TOP6BL: variants seen among roughly 807,000 people sequenced by gnomAD.
TOP6BL encodes type 2 DNA topoisomerase 6 subunit B-like.
chr11:66,784,485 A>G, the TOP6BL span, among the ~76,000 whole-genome samples: 4 of 152,134 alleles, frequency 2.6e-5, no homozygotes, highest in African/African-American at 9.7e-5. Flanking sequence ...TCACTATCCA[A>G]TTCCAGTACA....
chr11:66,772,170 C>T, the TOP6BL span, among the ~76,000 whole-genome samples: 12 of 152,226 alleles, frequency 7.9e-5, no homozygotes, highest in Admixed American at 2.0e-4. Flanking sequence ...AAATGTGGCC[C>T]GGCCAGTAAG....
At chr11:66,744,884 C>G in the TOP6BL span, 1 of 1,291,162 alleles carries the variant, frequency 7.7e-7, no homozygotes, top group African/African-American at 1.5e-5. Context: ...CTGTTCCCTG[C>G]GCGGCATGGA....
chr11:66,767,651 A>G, the TOP6BL span, among the ~76,000 whole-genome samples: 3 of 152,158 alleles, frequency 2.0e-5, no homozygotes, highest in African/African-American at 4.8e-5. Context: ...TTTTCTTCAT[A>G]AGACTAGATA....
At chr11:66,755,420 C>A in the TOP6BL span, among the ~76,000 whole-genome samples, 2 of 152,188 alleles carry the variant, frequency 1.3e-5, no homozygotes, top group Admixed American at 6.5e-5. Context: ...TGTGCCTAGC[C>A]TGTAGTGTCT....
At chr11:66,791,324 C>G in the TOP6BL span, among the ~76,000 whole-genome samples, 1 of 152,100 alleles carries the variant, frequency 6.6e-6, no homozygotes, top group African/African-American at 2.4e-5. Context: ...GTAACATGTC[C>G]CTTCAAAAGC....
At chr11:66,781,903 T>C in the TOP6BL span, among the ~76,000 whole-genome samples, 1 of 152,200 alleles carries the variant, frequency 6.6e-6, no homozygotes, top group African/African-American at 2.4e-5. Context: ...TCTTTGCATA[T>C]TTAGTACATT....
chr11:66,828,117 C>T, the TOP6BL span: 2 of 589,614 alleles, frequency 3.4e-6, no homozygotes, highest in South Asian at 2.0e-5. Flanking sequence ...TTTTTCTCTA[C>T]TGCCTTCATG....
chr11:66,843,244 C>T, the TOP6BL span: 3 of 1,607,814 alleles, frequency 1.9e-6, no homozygotes, highest in Non-Finnish European at 2.5e-6. Context: ...AGCCGGGTCC[C>T]CTTCCGCAAG....
chr11:66,832,541 C>G, the TOP6BL span, among the ~76,000 whole-genome samples: 1 of 152,192 alleles, frequency 6.6e-6, no homozygotes, highest in South Asian at 2.1e-4. Flanking sequence ...ATGGACTTTA[C>G]CATCCTCCTC....
the TOP6BL span, among the ~76,000 whole-genome samples, chr11:66,767,455 T>G: frequency 6.6e-6 from 1 of 152,306 alleles, no homozygotes; most frequent in Non-Finnish European, 1.5e-5. Flanking sequence ...AAAAAATCCA[T>G]GTTTATAGAT....
At chr11:66,752,927 G>T in the TOP6BL span, among the ~76,000 whole-genome samples, 3 of 152,020 alleles carry the variant, frequency 2.0e-5, no homozygotes, top group Non-Finnish European at 4.4e-5. Flanking sequence ...TCAGGAGTTT[G>T]AGACCAGCCT....
chr11:66,759,783 C>T, the TOP6BL span, among the ~76,000 whole-genome samples: 7 of 152,044 alleles, frequency 4.6e-5, no homozygotes, highest in East Asian at 1.9e-4. Context: ...GGGGTTTCAC[C>T]GTGTTGCCAT....
At chr11:66,833,862 C>T in the TOP6BL span, among the ~76,000 whole-genome samples, 14 of 151,966 alleles carry the variant, frequency 9.2e-5, no homozygotes, top group African/African-American at 3.4e-4. Context: ...ACATGAGAAT[C>T]GCTTGAATCT....
At chr11:66,783,531 G>A in the TOP6BL span, among the ~76,000 whole-genome samples, 7 of 152,088 alleles carry the variant, frequency 4.6e-5, no homozygotes, top group African/African-American at 9.6e-5. Context: ...TTGGTAGCTC[G>A]TAGGGTTTTC....
the TOP6BL span, among the ~76,000 whole-genome samples, chr11:66,833,065 T>G: frequency 6.9e-6 from 1 of 144,392 alleles, no homozygotes; most frequent in East Asian, 2.0e-4. Context: ...TTTTTTTTTT[T>G]GACACCGAGT....
At chr11:66,775,939 C>T in the TOP6BL span, among the ~76,000 whole-genome samples, 4 of 152,006 alleles carry the variant, frequency 2.6e-5, no homozygotes, top group African/African-American at 9.7e-5. Flanking sequence ...TTCAACCCTA[C>T]TGAATTCATC....
the TOP6BL span, among the ~76,000 whole-genome samples, chr11:66,837,865 GAACT>G: frequency 5.3e-5 from 8 of 152,090 alleles, no homozygotes; most frequent in African/African-American, 1.2e-4. Context: ...CCAAATTATT[GAACT>G]AACCAGTGTG....
chr11:66,803,936 T>C, the TOP6BL span: 21 of 1,435,306 alleles, frequency 1.5e-5, no homozygotes, highest in Non-Finnish European at 2.0e-5. Context: ...TTGAATGCTC[T>C]TTTAAATAAT....
At chr11:66,833,530 A>G in the TOP6BL span, among the ~76,000 whole-genome samples, 1 of 152,156 alleles carries the variant, frequency 6.6e-6, no homozygotes, top group Non-Finnish European at 1.5e-5. Context: ...GGTTCAGGGT[A>G]AGGCATGTGC....
Sources: allele counts gnomAD v4.1 joint callset (sites outside exome capture counted in the v4.1 genomes callset), GRCh38; gene constraint gnomAD v4.1.1; transcripts MANE v1.5; gene names NCBI Gene and HGNC (gene_info 2026-07-23, HGNC 2026-07-21).